Variants in CLUH observed in about 807,000 individuals in gnomAD.
CLUH encodes the protein CLUH binding protein of NUMT mRNA.
In CLUH, 77 loss-of-function variants were observed where a neutral mutation model predicts 139.3. The ratio of observed to expected loss-of-function variants is 0.55; its 90% CI spans 0.46 to 0.67. The LOEUF (loss-of-function observed/expected upper bound fraction) is 0.67. Among genes scored for constraint, CLUH ranks in the 30% least tolerant of loss-of-function variants. The pLI is 0.00. For missense variants in CLUH, 1,876 were observed against 1,875.8 expected (o/e 1.00, Z 0.00); for synonymous variants, 999 against 801.6 (o/e 1.25, Z -4.16).
chr17:2,710,696 G>C (rs1015958478), intron 1 of CLUH, among the ~76,000 whole-genome samples: 2 of 152,148 alleles, frequency 1.3e-5, no homozygotes, highest in African/African-American at 4.8e-5. Flanking sequence ...TCAGGAGAAA[G>C]GGAAAGCAGG....
rs1319088192 is a variant in CLUH, at chr17:2,704,285, G to A, written c.303+77C>T. On this transcript the variant is annotated intron_variant, in intron 2 of 25. Transcript: ENST00000651024. The surrounding 1 kb of genome is among the most constrained non-coding windows in gnomAD (Gnocchi z 5.7). ...CACAAAATGGGGCCGGTAGGAGCAC[G>A]AGCAAGGCTGAGCTTTCCAGCTCAC... 11 of 1,469,666 alleles carry A rather than the reference G, an allele frequency of 7.5e-6. No individual in the cohort carries two copies. The highest frequency in any genetic ancestry group is 2.8e-5 in the African/African-American group (2 of 71,476). The allele number at this position is 1,469,666 out of a possible 1,614,324, so 91.0% of individuals were successfully genotyped here.
At chr17:2,694,646 TCCAGCCCGGGCCCCCAACACTGC>T (rs1225050954) in intron 16 of CLUH, 82 bp from the exon 17 acceptor site, 7 of 1,384,230 alleles carry the variant, frequency 5.1e-6, no homozygotes, top group African/African-American at 2.9e-5. Flanking sequence ...CCCAACGCTG[TCCAGCCCGGGCCCCCAACACTGC>T]CCCACCCGGC....
intron 22 of CLUH, 54 bp downstream of exon 22, chr17:2,692,307 C>T: frequency 3.4e-6 from 5 of 1,484,172 alleles, no homozygotes; most frequent in Non-Finnish European, 2.7e-6. Context: ...CCGCCCCCGC[C>T]GGCTGCCCCG....
chr17:2,696,650 G>A, intron 11 of CLUH, 69 bp downstream of exon 11: 1 of 1,574,158 alleles, frequency 6.4e-7, no homozygotes, highest in East Asian at 2.3e-5. Context: ...GCCTCTCCCA[G>A]GTGGGGGTCA....
intron 4 of CLUH, 81 bp from the exon 5 acceptor site, chr17:2,701,818 G>A (rs2070192726): frequency 1.3e-6 from 2 of 1,574,122 alleles, no homozygotes; most frequent in African/African-American, 1.3e-5. Flanking sequence ...CGTGGTCCGG[G>A]TGCCTCAGGC....
intron 10 of CLUH, among the ~76,000 whole-genome samples, chr17:2,697,377 C>T (rs934877199): frequency 3.4e-5 from 5 of 148,082 alleles, no homozygotes; most frequent in Admixed American, 6.8e-5. Context: ...CCAGCCTAGG[C>T]GACAAGAGTG....
rs201402087 is a variant in CLUH, at chr17:2,702,047, C to G, written c.486G>C (p.Thr162=). 3 of 1,613,484 alleles carry G rather than the reference C, an allele frequency of 1.9e-6. No homozygotes were observed. The highest frequency in any genetic ancestry group is 1.7e-5 in the Admixed American group (1 of 59,966). The change falls in exon 4 of 26, where the codon ACG becomes ACC. Residue 162 remains threonine (T), a synonymous_variant. Transcript: ENST00000651024. The part of the protein sequence containing the change: ...SVLRVVEEPY[T]VREARIHVRH... ...GCACGTGGATGCGGGCCTCACGCAC[C>G]GTGTACGGCTCTGTCAGGAAGGCAG...
chr17:2,701,118 C>T (rs543720762), intron 7 of CLUH, 22 bp downstream of exon 7: 28 of 1,613,354 alleles, frequency 1.7e-5, no homozygotes, highest in East Asian at 1.1e-4. Context: ...TGAGACAAGG[C>T]GGGAGGGGAC....
intron 22 of CLUH, 122 bp downstream of exon 22, chr17:2,692,239 G>A (rs1274391555): frequency 7.0e-7 from 1 of 1,437,226 alleles, no homozygotes; most frequent in Non-Finnish European, 9.3e-7. Flanking sequence ...CAGGGAAGAG[G>A]GGGAGGTCGA....
Position 2,691,691 on chromosome 17 carries a change from C to T in CLUH, c.3790-9G>A, listed in dbSNP as rs376734705. 3.7e-6 allele frequency: 6 copies of T among 1,611,330 alleles called. No individual in the cohort carries two copies. The highest frequency in any genetic ancestry group is 2.2e-5 in the South Asian group (2 of 90,758). On this transcript the variant is annotated splice_polypyrimidine_tract_variant and intron_variant, in intron 24 of 25. Transcript: ENST00000651024. ...ATGCTGGGGGCCGTGAACTGCGGGG[C>T]GGGGAAACCAGCGGTGAGCGGGGCT...
chr17:2,709,932 T>C (rs2151728186), intron 1 of CLUH, among the ~76,000 whole-genome samples: 1 of 152,188 alleles, frequency 6.6e-6, no homozygotes, highest in East Asian at 1.9e-4. Context: ...GCTGTGCCCT[T>C]CCCTGACTCA....
intron 17 of CLUH, 90 bp downstream of exon 17, chr17:2,694,390 C>T: frequency 6.6e-7 from 1 of 1,523,446 alleles, no homozygotes; most frequent in Non-Finnish European, 8.9e-7. Flanking sequence ...GCCACTTCCC[C>T]TGTGGCCCTG....
chr17:2,697,953 TG>T lies in CLUH; in HGVS notation c.1903del (p.His635ThrfsTer25). On this transcript the variant is annotated frameshift_variant, in exon 10 of 26. Transcript: ENST00000651024. LOFTEE classifies it high-confidence loss of function. Reference protein sequence around the residue: ...ECARAGFPRAHRHKLCCLRQE... With the variant: ...ECARAGFPRAXRHKLCCLRQE... ...GCGCAGGCAGCAGAGCTTGTGCCGG[TG>T]GGCGCGGGGGAAGCCGGCGCGGGCG... 1 of 1,561,522 alleles carries T rather than the reference TG, an allele frequency of 6.4e-7. No individual in the cohort carries two copies.
At position 2,692,760 on chromosome 17, in the gene CLUH, G is replaced by C; in HGVS notation, c.3312+20C>G. On this transcript the variant is annotated intron_variant, in intron 20 of 25. Coordinates refer to ENST00000651024, the MANE Select transcript of CLUH (RefSeq NM_001366661.1). ...CCCAGCCCCTCGCATCCCCCGGCGC[G>C]GGCGGCACTCGCGACTCACGTATTC... The C allele has an allele frequency of 6.3e-7, 1 of 1,599,748 alleles. No homozygotes were observed. Among genetic ancestry groups the C allele is most frequent in the Middle Eastern group, 1.7e-4 (1 of 6,006 alleles).
intron 16 of CLUH, 70 bp from the exon 17 acceptor site, chr17:2,694,634 TCCCCAACGCTGTCCAGCCCGGGC>T (rs1365994936): frequency 2.2e-6 from 3 of 1,357,744 alleles, no homozygotes; most frequent in African/African-American, 1.6e-5. Flanking sequence ...CCCACCCAGC[TCCCCAACGCTGTCCAGCCCGGGC>T]CCCCAACACT....
chr17:2,711,199 A>T (rs1219083770), intron 1 of CLUH: 1 of 152,208 alleles, frequency 6.6e-6, no homozygotes, highest in Admixed American at 6.5e-5. Context: ...GAGCGACCCC[A>T]GCTCAGAGAG....
intron 25 of CLUH, 107 bp downstream of exon 25, chr17:2,691,502 A>G (rs1365566471): frequency 1.3e-5 from 15 of 1,120,866 alleles, no homozygotes; most frequent in Non-Finnish European, 2.0e-5. Context: ...CGGAGGCTGC[A>G]GTGAGCCGGG....
At position 2,706,018 on chromosome 17, in the gene CLUH, G is replaced by T. The variant is rs1465207489; in HGVS notation, c.101-1454C>A. On this transcript the variant is annotated intron_variant, in intron 1 of 25. Coordinates refer to ENST00000651024, the MANE Select transcript of CLUH (RefSeq NM_001366661.1). The surrounding 1 kb of genome is among the most constrained non-coding windows in gnomAD (Gnocchi z 4.6). ...CAGGCTCACCTGCCTGGCTTGGCTT[G>T]AAGTTCAACGGTCCCAACTCTGAGG... is the stretch of plus-strand genomic sequence containing the variant. Among the ~76,000 whole-genome samples the T allele has an allele frequency of 2.0e-5, 3 of 152,168 alleles. No individual in the cohort carries two copies. The highest frequency in any genetic ancestry group is 7.2e-5 in the African/African-American group (3 of 41,430).
In CLUH at chr17:2,692,599, T is replaced by C; in HGVS notation, c.3410A>G (p.Glu1137Gly). The change falls in exon 21 of 26, where the codon GAA becomes GGA. Residue 1137 changes from glutamate (E) to glycine (G), a missense_variant. By Grantham distance (98) the Glu-to-Gly change is moderately conservative. Transcript: ENST00000651024. ...ARYLMLLVFG[E>G]DHPEMALLDN... is the part of the protein sequence containing the mutation. Reference sequence around the variant, plus strand: ...CAGCAGCGCCATCTCGGGGTGGTCTTCCCCGAACACCAGCAGCATGAGGTA... The same window carrying C: ...CAGCAGCGCCATCTCGGGGTGGTCTCCCCCGAACACCAGCAGCATGAGGTA... The C allele has an allele frequency of 6.2e-7, 1 of 1,612,386 alleles. No individual in the cohort carries two copies. Among genetic ancestry groups the C allele is most frequent in the African/African-American group, 1.3e-5 (1 of 74,942 alleles).
Sources: allele counts gnomAD v4.1 joint callset (sites outside exome capture counted in the v4.1 genomes callset), GRCh38; gene constraint gnomAD v4.1.1; non-coding constraint Gnocchi (gnomAD v3.1); transcripts MANE v1.5; gene names NCBI Gene and HGNC (gene_info 2026-07-23, HGNC 2026-07-21).